STIM1: variants seen among roughly 807,000 people sequenced by gnomAD.
STIM1 encodes stromal interaction molecule 1.
STIM1 carries 25 observed loss-of-function variants against 74.7 expected under a neutral mutation model. The observed-to-expected ratio is 0.33, with a 90% confidence interval of 0.24 to 0.47. The LOEUF (loss-of-function observed/expected upper bound fraction) is 0.47, where lower values mean the gene tolerates loss of function less well. STIM1 is among the 20% of genes least tolerant of loss of function. The probability of loss-of-function intolerance (pLI) is 1.00; values close to 1 mark genes in which losing one functional copy is unlikely to be tolerated. For synonymous variants in STIM1, 328 were observed against 348.8 expected (o/e 0.94, Z 0.66); for missense variants, 728 against 920.8 (o/e 0.79, Z 2.71).
intron 2 of STIM1, among the ~76,000 whole-genome samples, chr11:3,986,024 G>A (rs2093554954): frequency 6.6e-6 from 1 of 151,878 alleles, no homozygotes; most frequent in African/African-American, 2.4e-5. Flanking sequence ...TGTGCTCCTT[G>A]CCTTCTTTCT....
At chr11:4,043,615 T>C (rs1187112241) in intron 3 of STIM1, among the ~76,000 whole-genome samples, 1 of 152,222 alleles carries the variant, frequency 6.6e-6, no homozygotes, top group South Asian at 2.1e-4. Context: ...TATGTGTGTT[T>C]TACAATCTAT....
At chr11:3,973,182 T>C in intron 2 of STIM1, 1 of 431,296 alleles carries the variant, frequency 2.3e-6, no homozygotes, top group Non-Finnish European at 4.6e-6. Context: ...TCCCTGTTGC[T>C]ACCAGATCAC....
At chr11:4,082,061 T>A in intron 7 of STIM1, 123 bp from the exon 8 acceptor site, 2 of 1,094,232 alleles carry the variant, frequency 1.8e-6, no homozygotes, top group East Asian at 4.8e-5. Context: ...AAATAATCCT[T>A]ACCTTTTCTC....
intron 1 of STIM1, among the ~76,000 whole-genome samples, chr11:3,923,914 A>G (rs1357410599): frequency 4.6e-5 from 7 of 152,160 alleles, no homozygotes; most frequent in Non-Finnish European, 8.8e-5. Context: ...GCTTTGCATT[A>G]AATCTATAGA....
At chr11:3,916,155 T>A (rs1484204227) in intron 1 of STIM1, among the ~76,000 whole-genome samples, 1 of 152,260 alleles carries the variant, frequency 6.6e-6, no homozygotes, top group Non-Finnish European at 1.5e-5. Flanking sequence ...TTTGCTCCTA[T>A]GTTTTACCTC....
chr11:3,990,939 A>AT (rs991625980), intron 2 of STIM1, among the ~76,000 whole-genome samples: 4 of 151,940 alleles, frequency 2.6e-5, no homozygotes, highest in African/African-American at 7.3e-5. Context: ...TCCAATGGGA[A>AT]TTTTTTCAGT....
At chr11:4,000,686 C>CTGGAGAGGAA in intron 2 of STIM1, among the ~76,000 whole-genome samples, 1 of 152,232 alleles carries the variant, frequency 6.6e-6, no homozygotes, top group Non-Finnish European at 1.5e-5. Context: ...CGCCTCTCCT[C>CTGGAGAGGAA]CTCCAAAGGA....
intron 1 of STIM1, among the ~76,000 whole-genome samples, chr11:3,942,300 A>G (rs2093021309): frequency 6.6e-6 from 1 of 152,214 alleles, no homozygotes; most frequent in African/African-American, 2.4e-5. Context: ...CACTTATAGC[A>G]GGCAGTCTCA....
chr11:4,042,846 G>GT (rs1412492871), intron 3 of STIM1, among the ~76,000 whole-genome samples: 2 of 152,102 alleles, frequency 1.3e-5, no homozygotes, highest in Admixed American at 1.3e-4. Context: ...TTACTACTGA[G>GT]TTTGTATTAA....
At chr11:3,931,816 TG>T (rs2092864000) in intron 1 of STIM1, among the ~76,000 whole-genome samples, 1 of 152,188 alleles carries the variant, frequency 6.6e-6, no homozygotes, top group African/African-American at 2.4e-5. Context: ...CTAGGGAATC[TG>T]GGAGTGGCCA....
At chr11:4,042,916 T>G (rs1283523565) in intron 3 of STIM1, among the ~76,000 whole-genome samples, 1 of 152,204 alleles carries the variant, frequency 6.6e-6, no homozygotes, top group East Asian at 1.9e-4. Context: ...AGACAGATAT[T>G]GCTAAATTGT....
intron 2 of STIM1, among the ~76,000 whole-genome samples, chr11:4,022,777 C>T (rs2093967878): frequency 6.6e-6 from 1 of 152,228 alleles, no homozygotes; most frequent in Non-Finnish European, 1.5e-5. Context: ...ATAGACTTTC[C>T]ACATGATATC....
intron 5 of STIM1, among the ~76,000 whole-genome samples, chr11:4,069,740 A>G (rs979925540): frequency 5.3e-5 from 8 of 152,256 alleles, no homozygotes; most frequent in Non-Finnish European, 1.0e-4. Flanking sequence ...AGAAGGCACT[A>G]GTTCTCTCCT....
chr11:3,966,139 A>C (rs1036924606), intron 1 of STIM1, among the ~76,000 whole-genome samples: 1 of 152,232 alleles, frequency 6.6e-6, no homozygotes, highest in Non-Finnish European at 1.5e-5. Context: ...TCACCCTAGC[A>C]AAAAGGCAGT....
Position 4,044,975 on chromosome 11 carries a change from C to T in STIM1, c.386-10551C>T, listed in dbSNP as rs576799739. On this transcript the variant is annotated intron_variant, in intron 3 of 12. Coordinates refer to ENST00000526596, the MANE Select transcript of STIM1 (RefSeq NM_001382567.1). Reference sequence around the variant, plus strand: ...GCAATGCACAGGACAGCCTCCACAACGAAGGATTATCTCATCTAAAATGTC... The same window carrying T: ...GCAATGCACAGGACAGCCTCCACAATGAAGGATTATCTCATCTAAAATGTC... 3.9e-5 allele frequency among the ~76,000 whole-genome samples: 6 copies of T among 152,196 alleles called. No homozygotes were observed. The East Asian group carries it at 7.7e-4, about 20-fold the overall frequency.
At chr11:3,999,525 G>A (rs1363523915) in intron 2 of STIM1, 2 of 152,296 alleles carry the variant, frequency 1.3e-5, no homozygotes, top group African/African-American at 2.4e-5. Context: ...GGGGAGCCAT[G>A]AGATGTTAAG....
chr11:3,864,443 T>C (rs2090768629), intron 1 of STIM1, among the ~76,000 whole-genome samples: 1 of 151,050 alleles, frequency 6.6e-6, no homozygotes, highest in South Asian at 2.1e-4. Flanking sequence ...GGGGGGAGAG[T>C]GTTTGCTTTT....
intron 1 of STIM1, among the ~76,000 whole-genome samples, chr11:3,932,854 T>C (rs1427802999): frequency 6.6e-6 from 1 of 152,106 alleles, no homozygotes; most frequent in East Asian, 1.9e-4. Context: ...AATGAGTTTG[T>C]TGTTTAAGCT....
At chr11:4,072,899 A>G (rs571115118) in intron 6 of STIM1, among the ~76,000 whole-genome samples, 3 of 152,240 alleles carry the variant, frequency 2.0e-5, no homozygotes, top group African/African-American at 7.2e-5. Context: ...GTTCATTTTC[A>G]GGGGGTTCAA....
Sources: allele counts gnomAD v4.1 joint callset (sites outside exome capture counted in the v4.1 genomes callset), GRCh38; gene constraint gnomAD v4.1.1; transcripts MANE v1.5; gene names NCBI Gene and HGNC (gene_info 2026-07-23, HGNC 2026-07-21).